SWT1: variants seen among roughly 807,000 people sequenced by gnomAD.
SWT1 encodes SWT1 RNA endoribonuclease homolog, also known as transcriptional protein SWT1.
A neutral mutation model predicts 107.3 loss-of-function variants in SWT1; 33 were observed. The observed-to-expected ratio is 0.31, with a 90% CI of 0.23 to 0.41. The LOEUF (loss-of-function observed/expected upper bound fraction) is 0.41, where lower values mean the gene tolerates loss of function less well. Ranked by LOEUF, SWT1 falls within the 10% of genes least tolerant of loss-of-function variation. The pLI, the probability that SWT1 is intolerant of heterozygous loss-of-function variation, is 1.00. For missense variants in SWT1, 898 were observed against 1,028.9 expected, an observed-to-expected ratio of 0.87 and a Z score of 1.74; for synonymous variants, 345 against 348.3, an observed-to-expected ratio of 0.99 and a Z score of 0.11.
chr1:185,210,948 G>A (rs1264766941), intron 13 of SWT1, among the ~76,000 whole-genome samples: 1 of 152,106 alleles, frequency 6.6e-6, no homozygotes, highest in African/African-American at 2.4e-5. Flanking sequence ...ATTCACAATT[G>A]CTACAAAGAC....
In SWT1 at chr1:185,174,740, C is replaced by A; in HGVS notation, c.593C>A (p.Ser198Tyr). The A allele has an allele frequency of 6.2e-7, 1 of 1,612,048 alleles. No individual in the cohort carries two copies. The change falls in exon 5 of 19, where the codon TCT (serine) becomes TAT (tyrosine). Residue 198 changes from serine to tyrosine, a missense_variant. By Grantham distance (144) the Ser-to-Tyr change is moderately radical. Transcript: ENST00000367500. ...AGAAACAGTAAATTTAGAGACAATT[C>A]TGAAAAATGTGTCTTAGAGAAATGG... ...KGRNSKFRDN[S>Y]EKCVLEKWKR...
intron 9 of SWT1, among the ~76,000 whole-genome samples, chr1:185,188,549 A>G (rs896346190): frequency 6.6e-6 from 1 of 152,198 alleles, no homozygotes; most frequent in Non-Finnish European, 1.5e-5. Flanking sequence ...GACATAGTTG[A>G]GCTCTGTCTA....
At chr1:185,238,781 A>ATTT (rs1198600226) in intron 16 of SWT1, among the ~76,000 whole-genome samples, 11 of 152,018 alleles carry the variant, frequency 7.2e-5, no homozygotes, top group Non-Finnish European at 1.3e-4. Flanking sequence ...GTTAATAATT[A>ATTT]TTTTTTCAAG....
chr1:185,260,602 TG>T (rs1348102047), intron 16 of SWT1, among the ~76,000 whole-genome samples: 1 of 152,100 alleles, frequency 6.6e-6, no homozygotes, highest in African/African-American at 2.4e-5. Flanking sequence ...ATGAGAATGT[TG>T]GGGCAAATGT....
chr1:185,189,164 T>G (rs1164866731), intron 9 of SWT1, among the ~76,000 whole-genome samples: 1 of 152,058 alleles, frequency 6.6e-6, no homozygotes, highest in Non-Finnish European at 1.5e-5. Flanking sequence ...TTTTCTTGTT[T>G]TTTTTGTAGA....
chr1:185,206,635 T>C lies in SWT1; in HGVS notation c.1844T>C (p.Leu615Pro), dbSNP rs1658356431. Residue 615 changes from leucine (L) to proline (P), a missense_variant, in exon 13 of 19, where the codon CTG (leucine) becomes CCG (proline). This residue lies in a region of SWT1 where 382 missense variants were observed against 460.0 expected (regional missense o/e 0.83). Transcript: ENST00000367500. Reference sequence around the variant, plus strand: ...CTACATACTCTTTAGATCCTGTACCTGAAACCACCATGGACTCTACTACAT... The same window carrying C: ...CTACATACTCTTTAGATCCTGTACCCGAAACCACCATGGACTCTACTACAT... ...FGNLWMEILY[L>P]KPPWTLLHLL... The C allele has an allele frequency of 1.3e-6, 2 of 1,550,334 alleles. No individual in the cohort carries two copies. The highest frequency in any genetic ancestry group is 1.7e-6 in the Non-Finnish European group (2 of 1,152,356).
rs1484817898 is a variant in SWT1, at chr1:185,181,848, A to G, written c.1027-98A>G. The G allele has an allele frequency of 1.2e-5, 16 of 1,341,028 alleles. No individual in the cohort carries two copies. The East Asian group carries it at 3.2e-4, about 26-fold the overall frequency. The allele number at this position is 1,341,028 out of a possible 1,614,324, so 83.1% of individuals were successfully genotyped here. ...TTTTATAAAATTTTTTCTTTCCATAAACCATCTCAAGTGAATTAATTAAGA... is the reference window on the plus strand; with the variant it reads ...TTTTATAAAATTTTTTCTTTCCATAGACCATCTCAAGTGAATTAATTAAGA... On this transcript the variant is annotated intron_variant, in intron 6 of 18. Coordinates refer to ENST00000367500, the MANE Select transcript of SWT1 (RefSeq NM_017673.7).
rs978115289 is a variant in SWT1, at chr1:185,197,011, G to C, written c.1524-5643G>C. On this transcript the variant is annotated intron_variant, in intron 10 of 18. Transcript: ENST00000367500. ...TATGTTGAATAGGAGTGGAGAGAGA[G>C]GGCATCCTTGTTTTGTGCCGGTTTT... Among the ~76,000 whole-genome samples the C allele has an allele frequency of 3.3e-5, 5 of 152,228 alleles. No homozygotes were observed. In the South Asian group the frequency reaches 1.0e-3, roughly 32 times the overall value.
At chr1:185,216,958 A>G (rs1659265296) in intron 14 of SWT1, among the ~76,000 whole-genome samples, 1 of 151,520 alleles carries the variant, frequency 6.6e-6, no homozygotes, top group South Asian at 2.1e-4. Flanking sequence ...TTTCAAAAAA[A>G]AAAAAAAGAA....
At chr1:185,290,429 A>T (rs903669265) in intron 18 of SWT1, among the ~76,000 whole-genome samples, 1 of 152,068 alleles carries the variant, frequency 6.6e-6, no homozygotes, top group Middle Eastern at 3.2e-3. Flanking sequence ...GTTTTTTTTT[A>T]AATAGTAATT....
At chr1:185,189,988 C>T (rs1482995692) in intron 9 of SWT1, among the ~76,000 whole-genome samples, 1 of 151,848 alleles carries the variant, frequency 6.6e-6, no homozygotes, top group African/African-American at 2.4e-5. Context: ...GCTGGGATTA[C>T]AGGCACCTGT....
intron 16 of SWT1, among the ~76,000 whole-genome samples, chr1:185,245,879 C>A (rs1166138379): frequency 1.3e-5 from 2 of 152,002 alleles, no homozygotes; most frequent in African/African-American, 2.4e-5. Context: ...AGTGATTCTC[C>A]CACCTCAGCC....
intron 10 of SWT1, among the ~76,000 whole-genome samples, chr1:185,195,406 C>T (rs983943875): frequency 1.3e-5 from 2 of 152,158 alleles, no homozygotes; most frequent in African/African-American, 4.8e-5. Context: ...CACTGATGGA[C>T]ATTTGGGTTG....
chr1:185,237,613 G>T (rs1571585562), intron 16 of SWT1, among the ~76,000 whole-genome samples: 1 of 152,046 alleles, frequency 6.6e-6, no homozygotes, highest in African/African-American at 2.4e-5. Context: ...TGGGTTAATG[G>T]GTGCAGGAAA....
chr1:185,182,668 C>CAAAAAAAAA (rs59326029), intron 7 of SWT1, among the ~76,000 whole-genome samples: 4 of 67,032 alleles, frequency 6.0e-5, no homozygotes, highest in Admixed American at 1.9e-4. Flanking sequence ...CTCTCTCTCT[C>CAAAAAAAAA]AAAAAAAAAA....
rs572835968 is a variant in SWT1 at position 185,195,647 on chromosome 1, T to A, written c.1523+5005T>A. 1.1e-4 allele frequency among the ~76,000 whole-genome samples: 16 copies of A among 152,318 alleles called. No homozygotes were observed. In the East Asian group the frequency reaches 2.5e-3, roughly 24 times the overall value. On this transcript the variant is annotated intron_variant, in intron 10 of 18. Coordinates refer to ENST00000367500, the MANE Select transcript of SWT1 (RefSeq NM_017673.7). ...AAAGTGTTCCTATTTCTCCACATTCTCTCCAGCATCTGTTGTTTCTTGACT... is the reference window on the plus strand; with the variant it reads ...AAAGTGTTCCTATTTCTCCACATTCACTCCAGCATCTGTTGTTTCTTGACT...
At chr1:185,252,870 T>C (rs1352134682) in intron 16 of SWT1, among the ~76,000 whole-genome samples, 1 of 148,746 alleles carries the variant, frequency 6.7e-6, no homozygotes, top group Non-Finnish European at 1.5e-5. Context: ...GCCTATGTCC[T>C]GAATGGTAAT....
intron 18 of SWT1, among the ~76,000 whole-genome samples, chr1:185,277,799 C>T (rs865937504): frequency 7.2e-5 from 11 of 151,800 alleles, no homozygotes; most frequent in East Asian, 3.9e-4. Flanking sequence ...GGGATTGTAT[C>T]TTTATAGTTC....
At chr1:185,190,705 C>A in intron 10 of SWT1, 63 bp downstream of exon 10, 1 of 1,013,370 alleles carries the variant, frequency 9.9e-7, no homozygotes. Context: ...TTAAAAAAAT[C>A]ATATGGTATC....
Sources: gnomAD v4.1 joint callset for allele counts (sites outside exome capture counted in the v4.1 genomes callset) on GRCh38, gnomAD v4.1.1 for gene constraint, gnomAD v4.1.1 regional missense constraint, MANE v1.5 for transcripts, NCBI Gene and HGNC (gene_info 2026-07-23, HGNC 2026-07-21) for gene names.